Variants in KHDC1 observed in about 807,000 individuals in gnomAD.
KHDC1 encodes KH domain containing 1, also known as KH homology domain-containing protein 1.
Under a neutral mutation model 24.7 loss-of-function variants are expected in KHDC1, and 21 were observed. The ratio of observed to expected loss-of-function variants is 0.85; its 90% confidence interval spans 0.60 to 1.23. KHDC1 has a LOEUF of 1.23. KHDC1 is among the 50% of genes most tolerant of loss of function. The pLI is 0.00. For synonymous variants in KHDC1, 98 were observed against 111.7 expected, an observed-to-expected ratio of 0.88 and a Z score of 0.77; for missense variants, 274 against 298.5, an observed-to-expected ratio of 0.92 and a Z score of 0.61.
At chr6:73,272,238 A>G (rs1767192424) in intron 2 of KHDC1, among the ~76,000 whole-genome samples, 1 of 151,520 alleles carries the variant, frequency 6.6e-6, no homozygotes, top group Non-Finnish European at 1.5e-5. Context: ...ATCTCGGCTC[A>G]CTGCAATCTC....
chr6:73,291,922 A>G, intron 2 of KHDC1: 1 of 1,521,516 alleles, frequency 6.6e-7, no homozygotes, highest in Non-Finnish European at 9.0e-7. Flanking sequence ...CTATTTTTAA[A>G]AATTTAATTC....
intron 2 of KHDC1, among the ~76,000 whole-genome samples, chr6:73,278,729 CAT>C (rs1767348799): frequency 6.6e-6 from 1 of 152,120 alleles, no homozygotes; most frequent in Admixed American, 6.6e-5. Context: ...CTGTGCCTAA[CAT>C]AAATTAAACT....
chr6:73,243,903 G>A (rs1007079472), intron 2 of KHDC1, among the ~76,000 whole-genome samples: 2 of 152,178 alleles, frequency 1.3e-5, no homozygotes, highest in African/African-American at 2.4e-5. Flanking sequence ...AAAAGAAATA[G>A]TGTCATCTAT....
At chr6:73,309,571 A>T in exon 1 of KHDC1, 1 of 1,525,574 alleles carries the variant, frequency 6.6e-7, no homozygotes, top group East Asian at 2.5e-5. Context: ...TGCGGATCCA[A>T]AGGTGGAAAG....
Position 73,272,322 on chromosome 6 carries a change from G to A in KHDC1, c.206+19676C>T, listed in dbSNP as rs564326541. Among the ~76,000 whole-genome samples, 8 of 151,544 alleles carry A rather than the reference G, an allele frequency of 5.3e-5. No individual in the cohort carries two copies. The South Asian group carries it at 6.3e-4, about 12-fold the overall frequency. The stretch of plus-strand genomic sequence containing the variant: ...GACTACAGGCACCTGCCACCACGTC[G>A]GGGTTTCACCATGTTGTCTAAGCTG... On this transcript the variant is annotated intron_variant, in intron 2 of 4. Coordinates refer to ENST00000370384, the Ensembl canonical transcript of KHDC1.
intron 2 of KHDC1, among the ~76,000 whole-genome samples, chr6:73,255,904 CAAA>C (rs1205326198): frequency 6.1e-5 from 3 of 49,396 alleles, no homozygotes; most frequent in Non-Finnish European, 8.8e-5. Flanking sequence ...CCTGTCTCAA[CAAA>C]AAAAAAAAAA....
intron 2 of KHDC1, among the ~76,000 whole-genome samples, chr6:73,270,982 G>T (rs59747599): frequency 6.6e-6 from 1 of 151,990 alleles, no homozygotes; most frequent in Admixed American, 6.6e-5. Flanking sequence ...GAGCCACCGC[G>T]CCCGGCCTGT....
At chr6:73,293,211 G>T (rs1010862006) in intron 1 of KHDC1, 2 of 686,180 alleles carry the variant, frequency 2.9e-6, no homozygotes, top group African/African-American at 1.8e-5. Flanking sequence ...ATATTGAGAA[G>T]AAACTTAATG....
At chr6:73,293,324 A>T in intron 1 of KHDC1, 2 of 531,564 alleles carry the variant, frequency 3.8e-6, no homozygotes, top group South Asian at 3.6e-5. Flanking sequence ...AGAAAGATGA[A>T]ATAATAAAAC....
At chr6:73,254,709 C>G (rs1384637256) in intron 2 of KHDC1, among the ~76,000 whole-genome samples, 2 of 151,900 alleles carry the variant, frequency 1.3e-5, no homozygotes, top group Non-Finnish European at 2.9e-5. Flanking sequence ...AAATTAGAAA[C>G]AGGTTTCTTA....
chr6:73,257,632 C>G lies in KHDC1; in HGVS notation c.207-15102G>C, dbSNP rs1169911176. Reference sequence around the variant, plus strand: ...CAGGATGGTCTCAATCTCCTGACCTCGTGATCCACCTGCCTCGGCCTCCCA... The same window carrying G: ...CAGGATGGTCTCAATCTCCTGACCTGGTGATCCACCTGCCTCGGCCTCCCA... On this transcript the variant is annotated intron_variant, in intron 2 of 4. Transcript: ENST00000370384. Among the ~76,000 whole-genome samples the G allele has an allele frequency of 2.0e-5, 3 of 151,976 alleles. 1 individual carries two copies. In the South Asian group the frequency reaches 6.2e-4, roughly 32 times the overall value.
chr6:73,292,202 C>G (rs1767666519), intron 1 of KHDC1: 1 of 1,466,796 alleles, frequency 6.8e-7, no homozygotes, highest in Non-Finnish European at 9.6e-7. Flanking sequence ...TGTTGCACAA[C>G]TGAAACAGCT....
chr6:73,249,004 G>C (rs1429775812), intron 2 of KHDC1, among the ~76,000 whole-genome samples: 1 of 151,704 alleles, frequency 6.6e-6, no homozygotes, highest in Non-Finnish European at 1.5e-5. Flanking sequence ...AGTGACACCA[G>C]TGTTAACAGG....
At chr6:73,280,319 G>C (rs887631903) in intron 2 of KHDC1, among the ~76,000 whole-genome samples, 7 of 150,888 alleles carry the variant, frequency 4.6e-5, no homozygotes, top group Non-Finnish European at 3.0e-5. Context: ...CACCATGCTC[G>C]GCTAATGTTT....
At chr6:73,290,554 C>T (rs940671980) in intron 2 of KHDC1, 10 of 477,034 alleles carry the variant, frequency 2.1e-5, no homozygotes, top group Non-Finnish European at 4.1e-5. Context: ...ACAAATATAT[C>T]ATAAATCTGA....
At chr6:73,280,654 G>A (rs1449593122) in intron 2 of KHDC1, among the ~76,000 whole-genome samples, 1 of 151,066 alleles carries the variant, frequency 6.6e-6, no homozygotes, top group Non-Finnish European at 1.5e-5. Context: ...CCGAGTAGCT[G>A]GGATTACAGG....
intron 2 of KHDC1, among the ~76,000 whole-genome samples, chr6:73,264,387 G>A (rs910817713): frequency 5.3e-5 from 8 of 152,150 alleles, no homozygotes; most frequent in African/African-American, 1.7e-4. Context: ...TCATCCTAAA[G>A]CTTCTGGCCT....
intron 1 of KHDC1, among the ~76,000 whole-genome samples, chr6:73,307,831 C>T (rs560144314): frequency 6.8e-4 from 103 of 152,246 alleles, no homozygotes; most frequent in African/African-American, 2.5e-3. Context: ...TCTTAAAACA[C>T]GGGTCTCTGT....
chr6:73,242,643 C>T, intron 2 of KHDC1, 113 bp from the exon 2 acceptor site: 1 of 1,341,888 alleles, frequency 7.5e-7, no homozygotes, highest in Non-Finnish European at 1.0e-6. Context: ...GCCCCTTGAA[C>T]TACCTTAGGG....
Sources: gnomAD v4.1 joint callset for allele counts (sites outside exome capture counted in the v4.1 genomes callset) on GRCh38, gnomAD v4.1.1 for gene constraint, MANE v1.5 for transcripts, NCBI Gene and HGNC (gene_info 2026-07-23, HGNC 2026-07-21) for gene names.